ADH1B: variants seen among roughly 807,000 people sequenced by gnomAD.
ADH1B encodes the protein alcohol dehydrogenase 1B (class I), beta polypeptide.
ADH1B carries 29 observed loss-of-function variants against 34.6 expected under a neutral mutation model. That is an observed-to-expected ratio of 0.84 (90% confidence interval 0.62 to 1.14). The LOEUF (loss-of-function observed/expected upper bound fraction) is 1.14, where lower values mean the gene tolerates loss of function less well. Ranked by LOEUF, ADH1B falls within the 50% of genes most tolerant of loss-of-function variation. The pLI is 0.00. For synonymous variants in ADH1B, 170 were observed against 175.5 expected (o/e 0.97, Z 0.25); for missense variants, 424 against 468.4 (o/e 0.91, Z 0.87).
chr4:99,316,238 C>T lies in ADH1B; in HGVS notation c.324G>A (p.Glu108=), dbSNP rs749342166. 3 of 1,614,100 alleles carry T rather than the reference C, an allele frequency of 1.9e-6. No individual in the cohort carries two copies. Among genetic ancestry groups the T allele is most frequent in the East Asian group, 2.2e-5 (1 of 44,898 alleles). ...CGKCRVCKNP[E]SNYCLKNDLG... ...ACTCATTTTTCAAGCAGTAGTTGCT[C>T]TCCGGGTTTTTACAAACTCTGCATT... Residue 108 remains glutamate, a synonymous_variant, in exon 4 of 9, where the codon GAG becomes GAA. Coordinates refer to ENST00000305046, the MANE Select transcript of ADH1B (RefSeq NM_000668.6).
Position 99,316,064 on chromosome 4 carries a change from CT to C in ADH1B, c.400del (p.Arg134GlyfsTer122). The C allele has an allele frequency of 1.2e-6, 2 of 1,614,182 alleles. No homozygotes were observed. The highest frequency in any genetic ancestry group is 1.7e-6 in the Non-Finnish European group (2 of 1,180,022). ...LQDGTRRFTC[R>X]GKPIHHFLGT... ...AAGGAAGTGGTGAATGGGCTTCCCC[CT>C]GCAGGTGAACCTCCTGGTGCCATCC... On this transcript the variant is annotated frameshift_variant, in exon 5 of 9. Transcript: ENST00000305046. LOFTEE classifies it high-confidence loss of function.
rs1733943247 is a variant in ADH1B at position 99,318,465 on chromosome 4, G to A, written c.121-281C>T. 4 of 520,100 alleles carry A rather than the reference G, an allele frequency of 7.7e-6. No homozygotes were observed. The South Asian group carries it at 1.1e-4, about 14-fold the overall frequency. 32.2% of individuals were successfully genotyped at this position (520,100 alleles called of 1,614,324 possible). ...GTAAGAATGCACGCTTTAAAAAATA[G>A]AAGTAGAAATAGCAAAGTAACACAT... is the stretch of plus-strand genomic sequence containing the variant. On this transcript the variant is annotated intron_variant, in intron 2 of 8. Transcript: ENST00000305046.
chr4:99,316,532 A>C, intron 3 of ADH1B: 1 of 542,564 alleles, frequency 1.8e-6, no homozygotes, highest in Non-Finnish European at 3.2e-6. Flanking sequence ...GGGAGACCAC[A>C]CAGATTAAAA....
Position 99,306,859 on chromosome 4 carries a change from G to A in ADH1B, c.*981C>T, listed in dbSNP as rs540572171. On this transcript the variant is annotated 3_prime_UTR_variant, in exon 9 of 9. Transcript: ENST00000305046. ...CATTTGTATATGTGTATATATGTATGTGTATATATATATCTACTAGGAAAA... is the reference window on the plus strand; with the variant it reads ...CATTTGTATATGTGTATATATGTATATGTATATATATATCTACTAGGAAAA... 6.6e-6 allele frequency: 1 copy of A among 152,266 alleles called. No individual in the cohort carries two copies. The highest frequency in any genetic ancestry group is 1.5e-5 in the Non-Finnish European group (1 of 68,012). The allele number at this position is 152,266 out of a possible 1,614,324, so 9.4% of individuals were successfully genotyped here.
rs1041969 is a variant in ADH1B at position 99,318,134 on chromosome 4, G to A, written c.171C>T (p.Asn57=). 1.2e-6 allele frequency: 2 copies of A among 1,614,086 alleles called. No homozygotes were observed. The highest frequency in any genetic ancestry group is 1.7e-6 in the Non-Finnish European group (2 of 1,179,990). ...CHTDDHVVSG[N]LVTPLPVILG... is the part of the protein sequence containing the mutation. The stretch of plus-strand genomic sequence containing the variant: ...AAATCACAGGAAGGGGGGTCACCAG[G>A]TTGCCACTAACCACGTGGTCATCTG... The change falls in exon 3 of 9, where the codon AAC becomes AAT. Residue 57 remains asparagine (N), a synonymous_variant. Transcript: ENST00000305046.
At chr4:99,308,826 A>G (rs1387735327) in intron 8 of ADH1B, among the ~76,000 whole-genome samples, 1 of 152,122 alleles carries the variant, frequency 6.6e-6, no homozygotes, top group Admixed American at 6.5e-5. Flanking sequence ...TTGAATTTCT[A>G]TGAACTTTTT....
At chr4:99,317,391 T>G (rs922444246) in intron 3 of ADH1B, 1 of 152,226 alleles carries the variant, frequency 6.6e-6, no homozygotes, top group Non-Finnish European at 1.5e-5. Context: ...ATGAAATAAT[T>G]AGTAATCTGT....
At position 99,318,775 on chromosome 4, in the gene ADH1B, A is replaced by C. The variant is rs778258146; in HGVS notation, c.120+10T>G. The C allele has an allele frequency of 1.3e-6, 2 of 1,594,450 alleles. No individual in the cohort carries two copies. The highest frequency in any genetic ancestry group is 1.7e-6 in the Non-Finnish European group (2 of 1,171,756). The stretch of plus-strand genomic sequence containing the variant: ...ATGTAAAATGAAATATAAATGGAAA[A>C]ATATTTCACCTTAATGCGAACTTCA... On this transcript the variant is annotated intron_variant, in intron 2 of 8. Transcript: ENST00000305046.
At chr4:99,311,389 A>C in intron 7 of ADH1B, 132 bp downstream of exon 7, 1 of 1,158,794 alleles carries the variant, frequency 8.6e-7, no homozygotes, top group Admixed American at 2.5e-5. Flanking sequence ...AAAGGAATTT[A>C]AATTTATTTT....
In ADH1B at chr4:99,316,036, G is replaced by T. The variant is rs775379754; in HGVS notation, c.429C>A (p.Gly143=). 3.1e-6 allele frequency: 5 copies of T among 1,614,218 alleles called. No individual in the cohort carries two copies. The South Asian group carries it at 5.5e-5, about 18-fold the overall frequency. ...CCGTGTACTGGGAGAAGGTGCTGGT[G>T]CCAAGGAAGTGGTGAATGGGCTTCC... ...CRGKPIHHFL[G]TSTFSQYTVV... The change falls in exon 5 of 9, where the codon GGC becomes GGA. Residue 143 remains glycine, a synonymous_variant. Coordinates refer to ENST00000305046, the MANE Select transcript of ADH1B (RefSeq NM_000668.6).
In ADH1B at chr4:99,321,400, A is replaced by G. The variant is rs79342308; in HGVS notation, c.-69T>C. 2 of 1,420,104 alleles carry G rather than the reference A, an allele frequency of 1.4e-6. No homozygotes were observed. The highest frequency in any genetic ancestry group is 1.7e-5 in the Admixed American group (1 of 58,364). 88.0% of individuals were successfully genotyped at this position (1,420,104 alleles called of 1,614,324 possible). A position where few individuals can be genotyped will look rare whatever the true frequency, so the allele number is the denominator to read the frequency against. On this transcript the variant is annotated 5_prime_UTR_variant, in exon 1 of 9. It removes an upstream start codon present in the reference 5' UTR. Coordinates refer to ENST00000305046, the MANE Select transcript of ADH1B (RefSeq NM_000668.6). ...GTGGATTTCTTCTCTGCTTGAGTGC[A>G]TAAAGCAGATATATTGCACAGATAT... is the stretch of plus-strand genomic sequence containing the variant.
intron 3 of ADH1B, chr4:99,317,085 A>C (rs907098086): frequency 6.6e-6 from 1 of 152,230 alleles, no homozygotes; most frequent in Admixed American, 6.5e-5. Flanking sequence ...AATAGAGCTA[A>C]AACATACTTT....
intron 8 of ADH1B, chr4:99,310,266 A>G: frequency 2.8e-6 from 1 of 362,434 alleles, no homozygotes; most frequent in Non-Finnish European, 5.3e-6. Flanking sequence ...TACAAAAGAA[A>G]AAGAAAAAGA....
intron 6 of ADH1B, 108 bp downstream of exon 6, chr4:99,313,713 C>T: frequency 6.4e-7 from 1 of 1,563,380 alleles, no homozygotes; most frequent in Non-Finnish European, 8.7e-7. Context: ...TGGGAAATTT[C>T]CATTCATCAT....
At chr4:99,311,449 T>C in intron 7 of ADH1B, 72 bp downstream of exon 7, 1 of 1,505,556 alleles carries the variant, frequency 6.6e-7, no homozygotes, top group South Asian at 1.3e-5. Context: ...GGCATATATA[T>C]TGAGATTATA....
At chr4:99,312,444 A>G (rs1296519640) in intron 6 of ADH1B, among the ~76,000 whole-genome samples, 2 of 152,124 alleles carry the variant, frequency 1.3e-5, no homozygotes, top group Non-Finnish European at 2.9e-5. Flanking sequence ...GGCTGCCGAG[A>G]GCTTTGATCT....
chr4:99,317,829 C>T (rs1267692669), intron 3 of ADH1B: 6 of 657,940 alleles, frequency 9.1e-6, no homozygotes, highest in Non-Finnish European at 1.5e-5. Flanking sequence ...CTAGTAGATA[C>T]TCGGTACATA....
chr4:99,317,867 C>A (rs778398484), intron 3 of ADH1B, 179 bp downstream of exon 3: 4 of 958,846 alleles, frequency 4.2e-6, no homozygotes, highest in African/African-American at 1.6e-5. Flanking sequence ...TACATGAGTG[C>A]CTGAATGCAT....
chr4:99,312,036 T>C (rs1733767154), intron 6 of ADH1B, among the ~76,000 whole-genome samples: 1 of 152,218 alleles, frequency 6.6e-6, no homozygotes, highest in Non-Finnish European at 1.5e-5. Context: ...TGTCCATTTC[T>C]CAAACGGACA....
Sources: allele counts gnomAD v4.1 joint callset (sites outside exome capture counted in the v4.1 genomes callset), GRCh38; gene constraint gnomAD v4.1.1; transcripts MANE v1.5; gene names NCBI Gene and HGNC (gene_info 2026-07-23, HGNC 2026-07-21).